DGKI: variants seen among roughly 807,000 people sequenced by gnomAD.
DGKI encodes DAG kinase iota.
Under a neutral mutation model 147.5 loss-of-function variants are expected in DGKI, and 55 were observed. The observed-to-expected ratio is 0.37, with a 90% CI of 0.30 to 0.47. The LOEUF (loss-of-function observed/expected upper bound fraction) is 0.47, where lower values mean the gene tolerates loss of function less well. DGKI is among the 20% of genes least tolerant of loss of function. The probability of loss-of-function intolerance (pLI) is 1.00; values close to 1 mark genes in which losing one functional copy is unlikely to be tolerated. For missense variants in DGKI, 1,007 were observed against 1,323.8 expected (o/e 0.76, Z 3.71); for synonymous variants, 469 against 477.1 (o/e 0.98, Z 0.22).
rs747714406 is a variant in DGKI, at chr7:137,644,116, T to G, written c.804+1356A>C. Reference sequence around the variant, plus strand: ...AAGGCAACACCTTGGAAGAGGTTGATGGACCCAAGAGAGAAAGGTCATGTG... The same window carrying G: ...AAGGCAACACCTTGGAAGAGGTTGAGGGACCCAAGAGAGAAAGGTCATGTG... On this transcript the variant is annotated intron_variant, in intron 6 of 32. Transcript: ENST00000614521. 9.2e-5 allele frequency among the ~76,000 whole-genome samples: 14 copies of G among 152,326 alleles called. No individual in the cohort carries two copies. In the South Asian group the frequency reaches 1.7e-3, roughly 18 times the overall value.
At chr7:137,669,515 T>C (rs902825194) in intron 3 of DGKI, among the ~76,000 whole-genome samples, 1 of 152,192 alleles carries the variant, frequency 6.6e-6, no homozygotes, top group Non-Finnish European at 1.5e-5. Context: ...AGATGCAAAT[T>C]ATTTTTATTA....
intron 21 of DGKI, among the ~76,000 whole-genome samples, chr7:137,517,600 TAA>T (rs1816825302): frequency 6.6e-6 from 1 of 152,136 alleles, no homozygotes; most frequent in South Asian, 2.1e-4. Context: ...CATGGTAATG[TAA>T]AGTGTTTAAC....
At chr7:137,827,485 G>A (rs1261713995) in intron 1 of DGKI, among the ~76,000 whole-genome samples, 3 of 152,050 alleles carry the variant, frequency 2.0e-5, no homozygotes, top group Non-Finnish European at 4.4e-5. Flanking sequence ...CTGCTGCCTG[G>A]AACGCTTTCC....
At position 137,722,174 on chromosome 7, in the gene DGKI, A is replaced by T; in HGVS notation, c.402-32172T>A. The T allele has an allele frequency of 8.1e-6, 13 of 1,600,818 alleles. No homozygotes were observed. In the South Asian group the frequency reaches 1.4e-4, roughly 18 times the overall value. On this transcript the variant is annotated intron_variant, in intron 1 of 32. Coordinates refer to ENST00000614521, the MANE Select transcript of DGKI (RefSeq NM_001321708.2). ...GGCAGGTATTCCCGATCTGCTATGTATTCCAGAAAGGCCATGTACAAGAGG... is the reference window on the plus strand; with the variant it reads ...GGCAGGTATTCCCGATCTGCTATGTTTTCCAGAAAGGCCATGTACAAGAGG...
At chr7:137,450,700 C>A (rs1447533469) in intron 27 of DGKI, among the ~76,000 whole-genome samples, 1 of 151,778 alleles carries the variant, frequency 6.6e-6, no homozygotes, top group Non-Finnish European at 1.5e-5. Context: ...CCTGCCTGGA[C>A]AACAAGAGCG....
At chr7:137,825,962 T>C (rs1196449074) in intron 1 of DGKI, among the ~76,000 whole-genome samples, 4 of 152,236 alleles carry the variant, frequency 2.6e-5, no homozygotes, top group Non-Finnish European at 5.9e-5. Flanking sequence ...TTGAATTTAG[T>C]ATTGTTGACT....
chr7:137,574,552 G>A (rs1818905490), intron 17 of DGKI, among the ~76,000 whole-genome samples: 2 of 152,068 alleles, frequency 1.3e-5, no homozygotes, highest in South Asian at 4.1e-4. Context: ...TTCCTTCTGG[G>A]AAACATGTTA....
intron 1 of DGKI, among the ~76,000 whole-genome samples, chr7:137,744,249 C>G (rs939588735): frequency 1.3e-5 from 2 of 152,126 alleles, no homozygotes; most frequent in Non-Finnish European, 2.9e-5. Flanking sequence ...TCAGAAATTA[C>G]TGTGAATATC....
At chr7:137,698,860 C>T (rs7457119) in intron 1 of DGKI, among the ~76,000 whole-genome samples, 44,551 of 151,904 alleles carry the variant, frequency 0.29, 7,127 homozygotes, top group South Asian at 0.49. Context: ...ACTCTGTATT[C>T]GCTCTGAAAG....
intron 28 of DGKI, among the ~76,000 whole-genome samples, chr7:137,414,346 GAAGAA>G (rs1270684111): frequency 6.6e-6 from 1 of 152,134 alleles, no homozygotes; most frequent in Non-Finnish European, 1.5e-5. Context: ...AAAATGGAGA[GAAGAA>G]AAGTGCCTCG....
chr7:137,822,563 CA>C (rs1327350998), intron 1 of DGKI, among the ~76,000 whole-genome samples: 1 of 152,094 alleles, frequency 6.6e-6, no homozygotes, highest in Non-Finnish European at 1.5e-5. Flanking sequence ...CACGGTGAAG[CA>C]TAAGTCACAG....
At chr7:137,441,325 G>T (rs900417350) in intron 28 of DGKI, among the ~76,000 whole-genome samples, 2 of 150,646 alleles carry the variant, frequency 1.3e-5, no homozygotes, top group Middle Eastern at 3.5e-3. Flanking sequence ...GGAGGCTGAG[G>T]CAGGAGAATG....
chr7:137,763,521 T>C (rs953418687), intron 1 of DGKI, among the ~76,000 whole-genome samples: 18 of 152,246 alleles, frequency 1.2e-4, no homozygotes, highest in African/African-American at 4.1e-4. Flanking sequence ...GCTTGTTTCA[T>C]AACCTGTTCA....
chr7:137,792,747 G>C (rs1037151796), intron 1 of DGKI, among the ~76,000 whole-genome samples: 2 of 152,138 alleles, frequency 1.3e-5, no homozygotes, highest in Non-Finnish European at 2.9e-5. Context: ...AGTTCACATG[G>C]GAGCTGGTTG....
At chr7:137,616,637 A>G (rs574672083) in intron 8 of DGKI, among the ~76,000 whole-genome samples, 1 of 152,280 alleles carries the variant, frequency 6.6e-6, no homozygotes, top group South Asian at 2.1e-4. Context: ...AGAGGTTCCA[A>G]TGGTTGGAGA....
At chr7:137,631,737 A>C (rs185374633) in intron 6 of DGKI, among the ~76,000 whole-genome samples, 2 of 152,320 alleles carry the variant, frequency 1.3e-5, no homozygotes, top group African/African-American at 4.8e-5. Context: ...TTGAACAAAA[A>C]AAAAATGAAC....
chr7:137,613,278 G>A lies in DGKI; in HGVS notation c.994-3669C>T, dbSNP rs564674649. 5.9e-5 allele frequency among the ~76,000 whole-genome samples: 9 copies of A among 152,240 alleles called. No individual in the cohort carries two copies. In the East Asian group the frequency reaches 1.2e-3, roughly 20 times the overall value. On this transcript the variant is annotated intron_variant, in intron 8 of 32. Coordinates refer to ENST00000614521, the MANE Select transcript of DGKI (RefSeq NM_001321708.2). ...ACTCTGGTAGACAGTAGGAGAGAGAGTAATGGACTTAGTCTATTAAAGCGC... is the reference window on the plus strand; with the variant it reads ...ACTCTGGTAGACAGTAGGAGAGAGAATAATGGACTTAGTCTATTAAAGCGC...
intron 1 of DGKI, among the ~76,000 whole-genome samples, chr7:137,789,992 T>C (rs1412605529): frequency 1.3e-5 from 2 of 152,134 alleles, no homozygotes; most frequent in Non-Finnish European, 2.9e-5. Flanking sequence ...TGCACACTTC[T>C]TCAGAAAAGA....
chr7:137,744,130 G>A (rs1294892234), intron 1 of DGKI, among the ~76,000 whole-genome samples: 1 of 151,828 alleles, frequency 6.6e-6, no homozygotes, highest in African/African-American at 2.4e-5. Context: ...GGATAAATAA[G>A]ATTAATGGAC....
Sources: gnomAD v4.1 joint callset for allele counts (sites outside exome capture counted in the v4.1 genomes callset) on GRCh38, gnomAD v4.1.1 for gene constraint, MANE v1.5 for transcripts, NCBI Gene and HGNC (gene_info 2026-07-23, HGNC 2026-07-21) for gene names.